ARMC8: variants seen among roughly 807,000 people sequenced by gnomAD.
ARMC8 encodes the protein armadillo repeat containing 8, also known as armadillo repeat-containing protein 8.
ARMC8 carries 20 observed loss-of-function variants against 99.3 expected under a neutral mutation model. The ratio of observed to expected loss-of-function variants is 0.20; its 90% confidence interval spans 0.14 to 0.29. The LOEUF is 0.29. Among genes scored for constraint, ARMC8 ranks in the 10% least tolerant of loss-of-function variants. ARMC8 has a pLI of 1.00. For missense variants in ARMC8, 569 were observed against 809.5 expected (o/e 0.70, Z 3.60); for synonymous variants, 263 against 278.3 (o/e 0.95, Z 0.55).
intron 1 of ARMC8, among the ~76,000 whole-genome samples, chr3:138,200,688 T>C (rs1576591660): frequency 6.6e-6 from 1 of 152,236 alleles, no homozygotes; most frequent in Middle Eastern, 3.4e-3. Flanking sequence ...GAGTGATGTG[T>C]GTGTCTTAGC....
At chr3:138,277,087 C>T (rs1316701114) in intron 18 of ARMC8, among the ~76,000 whole-genome samples, 1 of 152,068 alleles carries the variant, frequency 6.6e-6, no homozygotes, top group African/African-American at 2.4e-5. Flanking sequence ...CACATATCGA[C>T]CAATGGAACA....
intron 9 of ARMC8, chr3:138,238,364 T>G (rs2046438859): frequency 2.0e-5 from 3 of 152,290 alleles, no homozygotes. Context: ...TGTGCCCAGC[T>G]GCAGAGTTTT....
At position 138,268,199 on chromosome 3, in the gene ARMC8, C is replaced by T. The variant is rs547953652; in HGVS notation, c.1386+958C>T. Among the ~76,000 whole-genome samples, 15 of 152,092 alleles carry T rather than the reference C, an allele frequency of 9.9e-5. No individual in the cohort carries two copies. In the South Asian group the frequency reaches 1.7e-3, roughly 17 times the overall value. On this transcript the variant is annotated intron_variant, in intron 15 of 21. Transcript: ENST00000469044. ...CAAAGGTTGCAGTGAGCTGAGATCG[C>T]GCCACTGCACTGCAGCCTGGGCAAA... is the stretch of plus-strand genomic sequence containing the variant.
chr3:138,251,346 T>C (rs898290505), intron 12 of ARMC8, among the ~76,000 whole-genome samples: 1 of 152,206 alleles, frequency 6.6e-6, no homozygotes, highest in Non-Finnish European at 1.5e-5. Context: ...TATTTTTGTC[T>C]ACCGTGAAAT....
chr3:138,198,755 C>G (rs2043883478), intron 1 of ARMC8, among the ~76,000 whole-genome samples: 1 of 151,950 alleles, frequency 6.6e-6, no homozygotes, highest in South Asian at 2.1e-4. Context: ...CTTGTGATTC[C>G]CCTGCTTCGG....
intron 2 of ARMC8, among the ~76,000 whole-genome samples, chr3:138,221,636 A>G (rs2045399371): frequency 6.6e-6 from 1 of 152,112 alleles, no homozygotes; most frequent in Non-Finnish European, 1.5e-5. Flanking sequence ...GGTGGCCTGT[A>G]TTCCTTTGTA....
chr3:138,255,197 T>G (rs1457799861), intron 12 of ARMC8, among the ~76,000 whole-genome samples: 1 of 145,020 alleles, frequency 6.9e-6, no homozygotes, highest in Non-Finnish European at 1.5e-5. Context: ...TTCTGTTTTT[T>G]TTTTTTTTGT....
intron 12 of ARMC8, chr3:138,246,117 G>C: frequency 1.0e-6 from 1 of 985,470 alleles, no homozygotes; most frequent in Non-Finnish European, 1.2e-6. Flanking sequence ...CAGGCCTGTA[G>C]AAAGAGGAGT....
At chr3:138,262,724 A>G in intron 12 of ARMC8, 1 of 886,972 alleles carries the variant, frequency 1.1e-6, no homozygotes, top group Non-Finnish European at 1.6e-6. Flanking sequence ...TGCAAGGACA[A>G]CCAAGGTTAA....
At chr3:138,206,875 A>G (rs181116795) in intron 1 of ARMC8, among the ~76,000 whole-genome samples, 2 of 152,206 alleles carry the variant, frequency 1.3e-5, no homozygotes, top group East Asian at 1.9e-4. Flanking sequence ...ATTTTTGCGT[A>G]TACATAACAA....
chr3:138,224,525 A>G (rs1191386953), intron 5 of ARMC8, among the ~76,000 whole-genome samples: 1 of 152,108 alleles, frequency 6.6e-6, no homozygotes, highest in African/African-American at 2.4e-5. Flanking sequence ...CAAGATGGAT[A>G]TATCACCTGA....
chr3:138,256,227 T>A (rs1204965620), intron 12 of ARMC8, among the ~76,000 whole-genome samples: 2 of 152,180 alleles, frequency 1.3e-5, no homozygotes, highest in African/African-American at 2.4e-5. Context: ...GGAGGTCAGA[T>A]GAGTTGAAAT....
intron 12 of ARMC8, among the ~76,000 whole-genome samples, chr3:138,252,999 A>G (rs1020161665): frequency 2.0e-5 from 3 of 151,988 alleles, no homozygotes; most frequent in Admixed American, 6.6e-5. Context: ...CAGACCCTAG[A>G]AAAATTAGAT....
chr3:138,233,552 A>T (rs2046171543), intron 6 of ARMC8, among the ~76,000 whole-genome samples: 1 of 151,822 alleles, frequency 6.6e-6, no homozygotes, highest in Admixed American at 6.6e-5. Flanking sequence ...ATATATGGAA[A>T]AAGAGAGAAA....
intron 5 of ARMC8, chr3:138,228,556 A>G (rs1393265197): frequency 8.3e-6 from 3 of 362,738 alleles, no homozygotes; most frequent in African/African-American, 6.4e-5. Flanking sequence ...ATTCTTCCTT[A>G]TAAACTATTT....
chr3:138,188,239 A>G, intron 1 of ARMC8: 1 of 523,904 alleles, frequency 1.9e-6, no homozygotes, highest in African/African-American at 1.9e-5. Flanking sequence ...TCTGAGTCAG[A>G]GGAACTCTAT....
intron 12 of ARMC8, chr3:138,261,508 A>G (rs2047740202): frequency 6.6e-6 from 1 of 152,310 alleles, no homozygotes; most frequent in South Asian, 2.1e-4. Flanking sequence ...AGAGGTCAGG[A>G]AAGAACTCTA....
intron 9 of ARMC8, chr3:138,239,182 T>C: frequency 3.3e-6 from 1 of 302,512 alleles, no homozygotes; most frequent in East Asian, 8.8e-5. Context: ...GCACCTAGCC[T>C]CAAAATGTGT....
In ARMC8 at chr3:138,212,047, G is replaced by A. The variant is rs79961538; in HGVS notation, c.122+2154G>A. 7.4e-3 allele frequency among the ~76,000 whole-genome samples: 1,120 copies of A among 152,220 alleles called. 14 individuals carry two copies. Among genetic ancestry groups the A allele is most frequent in the African/African-American group, 0.025 (1,037 of 41,542 alleles). On this transcript the variant is annotated intron_variant, in intron 2 of 21. Coordinates refer to ENST00000469044, the MANE Select transcript of ARMC8 (RefSeq NM_001363941.2). Reference sequence around the variant, plus strand: ...TGTGAGTGATAACATTCTAGTAAACGTGATTGCTACTTAAAATACTAAAAT... The same window carrying A: ...TGTGAGTGATAACATTCTAGTAAACATGATTGCTACTTAAAATACTAAAAT...
Sources: allele counts gnomAD v4.1 joint callset (sites outside exome capture counted in the v4.1 genomes callset), GRCh38; gene constraint gnomAD v4.1.1; transcripts MANE v1.5; gene names NCBI Gene and HGNC (gene_info 2026-07-23, HGNC 2026-07-21).